CEP112: variants seen among roughly 807,000 people sequenced by gnomAD.
CEP112 encodes the protein centrosomal protein of 112 kDa.
Under a neutral mutation model 153.0 loss-of-function variants are expected in CEP112, and 127 were observed. The ratio of observed to expected loss-of-function variants is 0.83; its 90% CI spans 0.72 to 0.96. CEP112 has a LOEUF of 0.96. Ranked by LOEUF, CEP112 falls within the 40% of genes least tolerant of loss-of-function variation. The pLI is 0.00. For missense variants in CEP112, 1,089 were observed against 1,101.2 expected, an observed-to-expected ratio of 0.99 and a Z score of 0.16; for synonymous variants, 358 against 374.4, an observed-to-expected ratio of 0.96 and a Z score of 0.51.
intron 21 of CEP112, among the ~76,000 whole-genome samples, chr17:65,780,643 T>C (rs748262524): frequency 6.6e-6 from 1 of 152,132 alleles, no homozygotes; most frequent in African/African-American, 2.4e-5. Context: ...GGAAACTGAC[T>C]ACTGTATTTA....
intron 20 of CEP112, 146 bp downstream of exon 20, chr17:65,902,006 G>GGGAA (rs1277838039): frequency 2.5e-5 from 6 of 243,254 alleles, no homozygotes; most frequent in African/African-American, 5.8e-5. Context: ...GGGTGGGGGG[G>GGGAA]AGAAAAACAA....
At chr17:66,072,759 C>T (rs183554453) in intron 8 of CEP112, among the ~76,000 whole-genome samples, 16 of 152,252 alleles carry the variant, frequency 1.1e-4, no homozygotes, top group Non-Finnish European at 2.1e-4. Flanking sequence ...AAGAGTATCT[C>T]ATCTCTGGAA....
intron 23 of CEP112, among the ~76,000 whole-genome samples, chr17:65,701,089 T>C (rs931223280): frequency 6.6e-6 from 1 of 152,196 alleles, no homozygotes; most frequent in Non-Finnish European, 1.5e-5. Flanking sequence ...CACTCTGCCA[T>C]GGCTGGGAGG....
intron 17 of CEP112, 31 bp from the exon 18 acceptor site, chr17:65,961,629 A>C (rs888238194): frequency 6.3e-7 from 1 of 1,575,114 alleles, no homozygotes; most frequent in Non-Finnish European, 8.7e-7. Context: ...TTCAGAGTTA[A>C]AATATAAAAG....
chr17:65,999,260 T>C (rs2094999168), intron 17 of CEP112, among the ~76,000 whole-genome samples: 1 of 150,242 alleles, frequency 6.7e-6, no homozygotes, highest in African/African-American at 2.4e-5. Flanking sequence ...TGGAGTGCAG[T>C]GGCACTATTC....
rs984182836 is a variant in CEP112, at chr17:65,814,018, A to T, written c.2394+37786T>A. On this transcript the variant is annotated intron_variant, in intron 21 of 26. Coordinates refer to ENST00000535342, the MANE Select transcript of CEP112 (RefSeq NM_001199165.4). Reference sequence around the variant, plus strand: ...AGTAAGAATTTGCAAACATAGTTGAACTCAGATAATAAATACCTATATCCT... The same window carrying T: ...AGTAAGAATTTGCAAACATAGTTGATCTCAGATAATAAATACCTATATCCT... Among the ~76,000 whole-genome samples the T allele has an allele frequency of 6.2e-4, 95 of 152,202 alleles. 3 individuals carry two copies. Among genetic ancestry groups the T allele is most frequent in the Non-Finnish European group, 5.9e-5 (4 of 68,036 alleles).
intron 20 of CEP112, among the ~76,000 whole-genome samples, chr17:65,860,344 A>C (rs1452709810): frequency 6.6e-6 from 1 of 152,166 alleles, no homozygotes; most frequent in African/African-American, 2.4e-5. Context: ...AAGTCTCTTC[A>C]TCAGTTCTCT....
rs139626464 is a variant in CEP112, at chr17:65,857,952, C to G, written c.2164-5918G>C. Reference sequence around the variant, plus strand: ...TATAGGATGATTCACATTTTCCGGTCTTTTACAGAGTCAGTTTTGGTAAAT... The same window carrying G: ...TATAGGATGATTCACATTTTCCGGTGTTTTACAGAGTCAGTTTTGGTAAAT... On this transcript the variant is annotated intron_variant, in intron 20 of 26. Coordinates refer to ENST00000535342, the MANE Select transcript of CEP112 (RefSeq NM_001199165.4). Among the ~76,000 whole-genome samples, 533 of 152,290 alleles carry G rather than the reference C, an allele frequency of 3.5e-3. 2 individuals are homozygous for G. Among genetic ancestry groups the G allele is most frequent in the African/African-American group, 0.012 (513 of 41,562 alleles).
At chr17:65,640,154 A>ATATATATATATATT (rs1300751452) in intron 25 of CEP112, among the ~76,000 whole-genome samples, 7 of 78,340 alleles carry the variant, frequency 8.9e-5, no homozygotes, top group African/African-American at 4.9e-4. Flanking sequence ...ATATATATAT[A>ATATATATATATATT]TTTTTTTTTT....
intron 17 of CEP112, among the ~76,000 whole-genome samples, chr17:66,004,404 T>C (rs1598078948): frequency 6.6e-6 from 1 of 152,180 alleles, no homozygotes; most frequent in South Asian, 2.1e-4. Flanking sequence ...GGCAGGAGAA[T>C]CACTTGAACC....
intron 20 of CEP112, among the ~76,000 whole-genome samples, chr17:65,873,344 G>A (rs748870837): frequency 4.6e-5 from 7 of 152,014 alleles, no homozygotes; most frequent in South Asian, 2.1e-4. Context: ...CTTGACTTTC[G>A]GTAATTATGT....
At chr17:65,928,963 T>C (rs570154893) in intron 18 of CEP112, among the ~76,000 whole-genome samples, 2 of 152,292 alleles carry the variant, frequency 1.3e-5, no homozygotes, top group Non-Finnish European at 2.9e-5. Flanking sequence ...GACCACATAC[T>C]GTAGGATTCC....
At chr17:65,770,681 CAT>C (rs1162910169) in intron 21 of CEP112, among the ~76,000 whole-genome samples, 2 of 151,730 alleles carry the variant, frequency 1.3e-5, no homozygotes, top group African/African-American at 2.4e-5. Context: ...CTTGCAGAAA[CAT>C]AGAATATGAA....
intron 4 of CEP112, among the ~76,000 whole-genome samples, chr17:66,147,536 T>C (rs2146654033): frequency 6.6e-6 from 1 of 152,282 alleles, no homozygotes; most frequent in Non-Finnish European, 1.5e-5. Context: ...AATGTATCTT[T>C]TTTTTTATTT....
chr17:65,742,203 A>G (rs2051178653), intron 23 of CEP112, among the ~76,000 whole-genome samples: 1 of 152,188 alleles, frequency 6.6e-6, no homozygotes, highest in South Asian at 2.1e-4. Context: ...AAGAAGATGC[A>G]GAGGTGAGGC....
intron 21 of CEP112, among the ~76,000 whole-genome samples, chr17:65,798,808 C>G (rs2055090916): frequency 6.6e-6 from 1 of 152,182 alleles, no homozygotes; most frequent in South Asian, 2.1e-4. Flanking sequence ...ACTATGTGAC[C>G]ATGGTTTTCA....
intron 22 of CEP112, among the ~76,000 whole-genome samples, chr17:65,746,791 C>G (rs140525053): frequency 6.6e-6 from 1 of 152,148 alleles, no homozygotes; most frequent in African/African-American, 2.4e-5. Context: ...CTAATATATA[C>G]AATCATAATC....
chr17:66,149,550 C>G (rs2071074251), intron 4 of CEP112, among the ~76,000 whole-genome samples: 1 of 152,058 alleles, frequency 6.6e-6, no homozygotes, highest in Admixed American at 6.5e-5. Flanking sequence ...ATAATTTAGT[C>G]TTGGTAGGTC....
chr17:65,897,666 A>G (rs982693757), intron 20 of CEP112, among the ~76,000 whole-genome samples: 5 of 152,068 alleles, frequency 3.3e-5, no homozygotes, highest in Non-Finnish European at 7.4e-5. Flanking sequence ...ACAAAATTAT[A>G]TTTCTTAAAG....
Sources: gnomAD v4.1 joint callset for allele counts (sites outside exome capture counted in the v4.1 genomes callset) on GRCh38, gnomAD v4.1.1 for gene constraint, MANE v1.5 for transcripts, NCBI Gene and HGNC (gene_info 2026-07-23, HGNC 2026-07-21) for gene names.